The following DOCK1 variants were observed in gnomAD, a reference collection of about 807,000 sequenced individuals.
DOCK1 encodes the protein dedicator of cytokinesis 1, also known as dedicator of cytokinesis protein 1.
Under a neutral mutation model 262.7 loss-of-function variants are expected in DOCK1, and 138 were observed. That is an observed-to-expected ratio of 0.53 (90% CI 0.46 to 0.61). The LOEUF (loss-of-function observed/expected upper bound fraction) is 0.61. DOCK1 is among the 20% of genes least tolerant of loss of function. The pLI is 0.00. For missense variants in DOCK1, 1,908 were observed against 2,370.7 expected, an observed-to-expected ratio of 0.80 and a Z score of 4.05; for synonymous variants, 866 against 867.4, an observed-to-expected ratio of 1.00 and a Z score of 0.03.
chr10:127,073,317 G>T (rs752393281), intron 23 of DOCK1, among the ~76,000 whole-genome samples: 9 of 152,180 alleles, frequency 5.9e-5, no homozygotes, highest in Non-Finnish European at 1.2e-4. Flanking sequence ...CGAAGTTCAT[G>T]TGGAAAGGCA....
At chr10:126,961,873 T>C in intron 1 of DOCK1, among the ~76,000 whole-genome samples, 1 of 152,360 alleles carries the variant, frequency 6.6e-6, no homozygotes, top group East Asian at 1.9e-4. Flanking sequence ...GAAGTGGAAT[T>C]GCTGGATCTC....
intron 29 of DOCK1, among the ~76,000 whole-genome samples, chr10:127,263,379 C>G (rs1008617676): frequency 2.1e-4 from 5 of 24,264 alleles, no homozygotes; most frequent in Non-Finnish European, 4.1e-4. Context: ...GGTGATATAA[C>G]TTGTAAATCA....
intron 1 of DOCK1, among the ~76,000 whole-genome samples, chr10:126,948,280 GTGA>G (rs1591401908): frequency 0.029 from 282 of 9,630 alleles, 78 homozygotes; most frequent in Middle Eastern, 0.25. Context: ...ACTGTTGGTG[GTGA>G]TGGTGGTGGT....
chr10:126,935,678 T>G (rs1197041870), intron 1 of DOCK1, among the ~76,000 whole-genome samples: 1 of 152,232 alleles, frequency 6.6e-6, no homozygotes, highest in Non-Finnish European at 1.5e-5. Flanking sequence ...CTTGGATACT[T>G]GCCTTCCTGT....
rs75332048 is a variant in DOCK1 at position 127,289,173 on chromosome 10, T to C, written c.3044+31744T>C. ...CACCACACAAACACGCACACACAGA[T>C]GCGTGCAAACACATACTTGTATTCC... On this transcript the variant is annotated intron_variant, in intron 29 of 51. Coordinates refer to ENST00000623213, the MANE Select transcript of DOCK1 (RefSeq NM_001290223.2). 3.2e-3 allele frequency among the ~76,000 whole-genome samples: 493 copies of C among 152,270 alleles called. 1 individual carries two copies. The highest frequency in any genetic ancestry group is 0.01 in the African/African-American group (426 of 41,576).
chr10:126,913,215 A>T (rs1400387083), intron 1 of DOCK1, among the ~76,000 whole-genome samples: 1 of 152,174 alleles, frequency 6.6e-6, no homozygotes, highest in Non-Finnish European at 1.5e-5. Flanking sequence ...TCAGTCTCTG[A>T]GCTCAACCTA....
intron 1 of DOCK1, among the ~76,000 whole-genome samples, chr10:126,915,433 G>A (rs7084926): frequency 0.026 from 3,816 of 149,012 alleles, 180 homozygotes; most frequent in African/African-American, 0.089. Flanking sequence ...TTGGGGGCGG[G>A]GGGGGGATGG....
chr10:127,422,057 CA>C (rs2068543068), intron 46 of DOCK1, among the ~76,000 whole-genome samples: 1 of 151,618 alleles, frequency 6.6e-6, no homozygotes, highest in East Asian at 1.9e-4. Flanking sequence ...ACGAAACTGC[CA>C]AACTCTTCTA....
At chr10:127,235,177 T>C (rs1475901838) in intron 27 of DOCK1, among the ~76,000 whole-genome samples, 1 of 151,606 alleles carries the variant, frequency 6.6e-6, no homozygotes, top group Non-Finnish European at 1.5e-5. Context: ...TTATAAATGA[T>C]ATACTTTATA....
chr10:127,290,568 TCAAGC>T (rs757754020), intron 29 of DOCK1, among the ~76,000 whole-genome samples: 15 of 152,174 alleles, frequency 9.9e-5, no homozygotes, highest in Non-Finnish European at 2.2e-4. Context: ...CTTTTATAGG[TCAAGC>T]CTCTTTTCTC....
intron 10 of DOCK1, among the ~76,000 whole-genome samples, chr10:127,004,751 CCAACGGCCCCCTGCCCCGCCACCCCCCCG>C (rs2040866287): frequency 7.9e-6 from 1 of 127,198 alleles, no homozygotes; most frequent in Non-Finnish European, 1.7e-5. Flanking sequence ...CCTGTCCCCC[CCAACGGCCCCCTGCCCCGCCACCCCCCCG>C]CCCCAAAAAA....
At chr10:126,923,815 A>T (rs1245068807) in intron 1 of DOCK1, among the ~76,000 whole-genome samples, 1 of 152,136 alleles carries the variant, frequency 6.6e-6, no homozygotes, top group Non-Finnish European at 1.5e-5. Flanking sequence ...TGATTAGGTC[A>T]TGAGGGCTGA....
At chr10:127,257,529 A>G in intron 29 of DOCK1, 100 bp downstream of exon 29, 1 of 1,069,628 alleles carries the variant, frequency 9.3e-7, no homozygotes, top group South Asian at 1.4e-5. Context: ...CTTCAATAAA[A>G]TGCTCTGCAA....
intron 33 of DOCK1, among the ~76,000 whole-genome samples, chr10:127,365,513 C>T (rs1433862603): frequency 6.6e-6 from 1 of 152,126 alleles, no homozygotes; most frequent in African/African-American, 2.4e-5. Context: ...CAAAGAAGGA[C>T]TTTGTGAAAA....
At chr10:127,265,916 G>C (rs1590198343) in intron 29 of DOCK1, among the ~76,000 whole-genome samples, 2 of 152,172 alleles carry the variant, frequency 1.3e-5, no homozygotes, top group Non-Finnish European at 2.9e-5. Context: ...AAATTTGCAG[G>C]GTAGGCTGTT....
At chr10:127,016,694 TACC>T (rs1026630361) in intron 12 of DOCK1, 1 of 119,322 alleles carries the variant, frequency 8.4e-6, no homozygotes, top group African/African-American at 3.4e-5. Flanking sequence ...CAGATACAAA[TACC>T]ACAAACACAG....
chr10:127,258,418 G>A (rs1435282875), intron 29 of DOCK1, among the ~76,000 whole-genome samples: 1 of 152,210 alleles, frequency 6.6e-6, no homozygotes, highest in Non-Finnish European at 1.5e-5. Flanking sequence ...CAGCATGGCT[G>A]TTTTCACTTT....
At chr10:127,171,047 T>A (rs550612409) in intron 27 of DOCK1, among the ~76,000 whole-genome samples, 111 of 152,326 alleles carry the variant, frequency 7.3e-4, no homozygotes, top group Admixed American at 1.4e-3. Context: ...GCCAACTGTG[T>A]GCTGGTTATA....
chr10:126,950,420 C>T (rs1190023476), intron 1 of DOCK1, among the ~76,000 whole-genome samples: 6 of 152,122 alleles, frequency 3.9e-5, no homozygotes, highest in Non-Finnish European at 8.8e-5. Flanking sequence ...TAAAGGCTCT[C>T]TCTCCTTTAG....
Sources: gnomAD v4.1 joint callset for allele counts (sites outside exome capture counted in the v4.1 genomes callset) on GRCh38, gnomAD v4.1.1 for gene constraint, MANE v1.5 for transcripts, NCBI Gene and HGNC (gene_info 2026-07-23, HGNC 2026-07-21) for gene names.